Variants in DDX31 observed in about 807,000 individuals in gnomAD.
DDX31 encodes ATP-dependent DNA helicase DDX31.
Under a neutral mutation model 91.3 loss-of-function variants are expected in DDX31, and 70 were observed. The observed-to-expected ratio is 0.77, with a 90% CI of 0.63 to 0.94. The LOEUF is 0.94. Ranked by LOEUF, DDX31 falls within the 40% of genes least tolerant of loss-of-function variation. DDX31 has a pLI of 0.00. For synonymous variants in DDX31, 362 were observed against 350.6 expected (o/e 1.03, Z -0.36); for missense variants, 902 against 925.0 (o/e 0.98, Z 0.32).
intron 1 of DDX31, among the ~76,000 whole-genome samples, chr9:132,668,724 C>A (rs1272395747): frequency 6.6e-6 from 1 of 152,146 alleles, no homozygotes. Context: ...CCCACCACCA[C>A]GCCCAGCTAA....
At chr9:132,605,759 CAG>C (rs1830976549) in intron 19 of DDX31, among the ~76,000 whole-genome samples, 1 of 152,150 alleles carries the variant, frequency 6.6e-6, no homozygotes, top group African/African-American at 2.4e-5. Flanking sequence ...GGATAAGAAA[CAG>C]GGGTGTGGGA....
chr9:132,658,481 G>A (rs1245844125), intron 6 of DDX31, 190 bp downstream of exon 6: 8 of 672,676 alleles, frequency 1.2e-5, no homozygotes, highest in Non-Finnish European at 1.6e-5. Flanking sequence ...TGACAATTGT[G>A]AAGTGTATTT....
intron 18 of DDX31, 34 bp downstream of exon 18, chr9:132,618,296 A>C: frequency 6.3e-7 from 1 of 1,578,936 alleles, no homozygotes; most frequent in East Asian, 2.3e-5. Context: ...CTGCTGGGCT[A>C]TCCACTGCGC....
At chr9:132,659,666 G>A (rs1331200963) in intron 5 of DDX31, 44 bp downstream of exon 5, 2 of 1,572,864 alleles carry the variant, frequency 1.3e-6, no homozygotes, top group Non-Finnish European at 1.7e-6. Context: ...GCATGACCAT[G>A]GGCCTGAGCA....
intron 16 of DDX31, 116 bp from the exon 17 acceptor site, chr9:132,625,861 C>A (rs1423599732): frequency 8.8e-6 from 6 of 679,746 alleles, no homozygotes; most frequent in African/African-American, 5.5e-5. Context: ...GAAGTGACAC[C>A]TTCCTAGGAA....
intron 6 of DDX31, chr9:132,658,206 G>C (rs1564335486): frequency 2.9e-6 from 2 of 688,338 alleles, no homozygotes; most frequent in East Asian, 2.7e-5. Context: ...AACCTTCACT[G>C]TAAGTCTTCA....
chr9:132,655,163 AT>A (rs1834484825), intron 6 of DDX31, among the ~76,000 whole-genome samples: 1 of 152,136 alleles, frequency 6.6e-6, no homozygotes, highest in Non-Finnish European at 1.5e-5. Flanking sequence ...GTTGTAGAAT[AT>A]TTTACAGACT....
rs886436791 is a variant in DDX31, at chr9:132,621,329, G to A, written c.1714-2888C>T. Among the ~76,000 whole-genome samples, 4 of 152,272 alleles carry A rather than the reference G, an allele frequency of 2.6e-5. No individual in the cohort carries two copies. The South Asian group carries it at 8.3e-4, about 32-fold the overall frequency. ...TTTAATCACTTTATTGCCAAGCTGAGTTTTACCCCCATGGTCCCTAGAACC... is the reference window on the plus strand; with the variant it reads ...TTTAATCACTTTATTGCCAAGCTGAATTTTACCCCCATGGTCCCTAGAACC... On this transcript the variant is annotated intron_variant, in intron 17 of 19. Coordinates refer to ENST00000372159, the MANE Select transcript of DDX31 (RefSeq NM_022779.9).
At chr9:132,621,382 A>G (rs1437568379) in intron 17 of DDX31, among the ~76,000 whole-genome samples, 1 of 152,242 alleles carries the variant, frequency 6.6e-6, no homozygotes, top group African/African-American at 2.4e-5. Flanking sequence ...TAAAGTTGAA[A>G]GATCAAATTT....
intron 19 of DDX31, 74 bp downstream of exon 19, chr9:132,612,013 A>G (rs1295391104): frequency 6.5e-7 from 1 of 1,544,074 alleles, no homozygotes; most frequent in Non-Finnish European, 8.8e-7. Flanking sequence ...TGCGGTGAGC[A>G]TGGCAGCTAG....
At chr9:132,658,406 A>C (rs1300821706) in intron 6 of DDX31, 3 of 702,580 alleles carry the variant, frequency 4.3e-6, no homozygotes, top group Non-Finnish European at 7.8e-6. Context: ...AGAAGGGAAC[A>C]CATGCAAAGT....
chr9:132,649,841 A>C (rs553761025), intron 9 of DDX31, among the ~76,000 whole-genome samples: 13 of 152,366 alleles, frequency 8.5e-5, no homozygotes, highest in African/African-American at 3.1e-4. Context: ...GTAAAAAGCA[A>C]GTTACAAAGC....
At position 132,594,806 on chromosome 9, in the gene DDX31, T is replaced by G; in HGVS notation, c.*60A>C. The G allele has an allele frequency of 6.3e-7, 1 of 1,592,986 alleles. No individual in the cohort carries two copies. Among genetic ancestry groups the G allele is most frequent in the Non-Finnish European group, 8.6e-7 (1 of 1,169,246 alleles). On this transcript the variant is annotated 3_prime_UTR_variant, in exon 20 of 20. Transcript: ENST00000372159. The stretch of plus-strand genomic sequence containing the variant: ...TTCACAAGCCTCCTCTGACAAGAAC[T>G]GGACATCAATCCACTGCCACCCGGG...
At chr9:132,659,538 C>T (rs1351938231) in intron 5 of DDX31, among the ~76,000 whole-genome samples, 172 bp downstream of exon 5, 1 of 152,140 alleles carries the variant, frequency 6.6e-6, no homozygotes, top group Non-Finnish European at 1.5e-5. Flanking sequence ...ATCAACTGTC[C>T]CCTTCCTTTC....
intron 18 of DDX31, among the ~76,000 whole-genome samples, chr9:132,612,591 A>T (rs1265532515): frequency 1.3e-5 from 2 of 152,252 alleles, no homozygotes; most frequent in Non-Finnish European, 2.9e-5. Context: ...TCTGTTGTGT[A>T]AATGAGTGAA....
chr9:132,617,458 T>G (rs1053467767), intron 18 of DDX31, among the ~76,000 whole-genome samples: 4 of 152,114 alleles, frequency 2.6e-5, no homozygotes, highest in African/African-American at 9.7e-5. Context: ...TGATCTCGCA[T>G]GCATTCCAAG....
At position 132,648,422 on chromosome 9, in the gene DDX31, C is replaced by T. The variant is rs777908630; in HGVS notation, c.860+10G>A. On this transcript the variant is annotated intron_variant, in intron 10 of 19. Transcript: ENST00000372159. Reference sequence around the variant, plus strand: ...TCTTCTACCTGTTATCATCCTGGGACGAGGCTCACCTGTCTGCTTCATCAA... The same window carrying T: ...TCTTCTACCTGTTATCATCCTGGGATGAGGCTCACCTGTCTGCTTCATCAA... 12 of 1,611,856 alleles carry T rather than the reference C, an allele frequency of 7.4e-6. No individual in the cohort carries two copies. The highest frequency in any genetic ancestry group is 4.5e-5 in the East Asian group (2 of 44,888).
intron 3 of DDX31, among the ~76,000 whole-genome samples, 165 bp downstream of exon 3, chr9:132,662,096 G>C (rs1365436338): frequency 6.6e-6 from 1 of 152,166 alleles, no homozygotes; most frequent in Non-Finnish European, 1.5e-5. Context: ...AAGCACCCTT[G>C]AACTGTCCTA....
At chr9:132,667,600 CT>C (rs1158548084) in intron 1 of DDX31, among the ~76,000 whole-genome samples, 2 of 150,018 alleles carry the variant, frequency 1.3e-5, no homozygotes, top group African/African-American at 5.1e-5. Flanking sequence ...GAGACTCCAT[CT>C]CAAAAAAACA....
Sources: allele counts gnomAD v4.1 joint callset (sites outside exome capture counted in the v4.1 genomes callset), GRCh38; gene constraint gnomAD v4.1.1; transcripts MANE v1.5; gene names NCBI Gene and HGNC (gene_info 2026-07-23, HGNC 2026-07-21).